Variants in GRK4 observed in about 807,000 individuals in gnomAD.
The protein encoded by GRK4 is G protein-coupled receptor kinase 4, also known as G protein-coupled receptor kinase 2-like.
A neutral mutation model predicts 77.9 loss-of-function variants in GRK4; 73 were observed. The observed-to-expected ratio is 0.94, with a 90% CI of 0.78 to 1.14. The LOEUF (loss-of-function observed/expected upper bound fraction) is 1.14, where lower values mean the gene tolerates loss of function less well. GRK4 is among the 50% of genes most tolerant of loss of function. The pLI is 0.00. For missense variants in GRK4, 729 were observed against 700.2 expected, an observed-to-expected ratio of 1.04 and a Z score of -0.46; for synonymous variants, 257 against 254.4, an observed-to-expected ratio of 1.01 and a Z score of -0.10.
intron 12 of GRK4, among the ~76,000 whole-genome samples, chr4:3,034,363 C>G (rs1740007296): frequency 6.6e-6 from 1 of 152,288 alleles, no homozygotes; most frequent in East Asian, 1.9e-4. Flanking sequence ...AGATGGTAAA[C>G]AGCGTCTAGA....
Position 3,002,247 on chromosome 4 carries a change from C to T in GRK4, c.340-1984C>T, listed in dbSNP as rs116852407. Among the ~76,000 whole-genome samples the T allele has an allele frequency of 7.2e-3, 1,101 of 152,086 alleles. 18 individuals are homozygous for T. The highest frequency in any genetic ancestry group is 0.048 in the East Asian group (248 of 5,184). On this transcript the variant is annotated intron_variant, in intron 4 of 15. Coordinates refer to ENST00000398052, the MANE Select transcript of GRK4 (RefSeq NM_182982.3). Reference sequence around the variant, plus strand: ...ACTGGGGGCAGATAAACTCATACACCGGGAGACCGTGCAGTCACTCAAGAA... The same window carrying T: ...ACTGGGGGCAGATAAACTCATACACTGGGAGACCGTGCAGTCACTCAAGAA...
At chr4:2,972,325 T>C (rs1719804534) in intron 1 of GRK4, among the ~76,000 whole-genome samples, 1 of 152,172 alleles carries the variant, frequency 6.6e-6, no homozygotes, top group Non-Finnish European at 1.5e-5. Flanking sequence ...TGCCTGGTTC[T>C]TCACCTTCTG....
chr4:3,032,340 C>T (rs1042478892), intron 12 of GRK4, among the ~76,000 whole-genome samples: 1 of 151,300 alleles, frequency 6.6e-6, no homozygotes, highest in African/African-American at 2.4e-5. Flanking sequence ...TAGCCAGGTG[C>T]GGTGGTGGGC....
At chr4:2,996,249 G>C (rs1266553219) in intron 4 of GRK4, among the ~76,000 whole-genome samples, 1 of 152,082 alleles carries the variant, frequency 6.6e-6, no homozygotes, top group Admixed American at 6.6e-5. Flanking sequence ...CTTCATGAAG[G>C]TGGAACCTCT....
chr4:3,029,468 C>T, intron 12 of GRK4, 59 bp downstream of exon 12: 1 of 1,454,074 alleles, frequency 6.9e-7, no homozygotes, highest in African/African-American at 1.4e-5. Flanking sequence ...TAGTTGTTTT[C>T]ACTGGCAGCT....
chr4:3,015,412 G>A (rs1007055302), intron 8 of GRK4, among the ~76,000 whole-genome samples: 4 of 152,074 alleles, frequency 2.6e-5, no homozygotes, highest in Non-Finnish European at 4.4e-5. Flanking sequence ...GGGGCCGGGC[G>A]CGGTGGCTCA....
At chr4:3,008,951 A>G (rs918292470) in intron 6 of GRK4, among the ~76,000 whole-genome samples, 23 of 152,186 alleles carry the variant, frequency 1.5e-4, no homozygotes, top group African/African-American at 5.6e-4. Flanking sequence ...AAAGGATGGC[A>G]CAACGTATAT....
chr4:2,985,391 ACT>A (rs1196333857), intron 2 of GRK4, among the ~76,000 whole-genome samples: 1 of 136,878 alleles, frequency 7.3e-6, no homozygotes, highest in Non-Finnish European at 1.6e-5. Flanking sequence ...ACAGAGCAAG[ACT>A]CTGTCTCAAA....
rs1201753067 is a variant in GRK4, at chr4:3,019,703, T to C, written c.804T>C (p.Asn268=). ...TGTGCTTGGTGCTCACCATTATGAA[T>C]GGAGGGGATTTGAAGTTTCACATTT... is the stretch of plus-strand genomic sequence containing the variant. The part of the protein sequence containing the change: ...DALCLVLTIM[N]GGDLKFHIYN... Residue 268 remains asparagine, a synonymous_variant, in exon 9 of 16, where the codon AAT becomes AAC. Transcript: ENST00000398052. The C allele has an allele frequency of 3.1e-6, 5 of 1,614,092 alleles. No individual in the cohort carries two copies. Among genetic ancestry groups the C allele is most frequent in the East Asian group, 4.5e-5 (2 of 44,894 alleles).
rs532576141 is a variant in GRK4 at position 3,012,869 on chromosome 4, G to A, written c.601-819G>A. Among the ~76,000 whole-genome samples, 87 of 152,146 alleles carry A rather than the reference G, an allele frequency of 5.7e-4. 1 individual carries two copies. Among genetic ancestry groups the A allele is most frequent in the Non-Finnish European group, 1.0e-3 (68 of 68,020 alleles). ...TCAAGAATCTTTTTAGGCCAGGCGCGGTGGCTCACACCTGTTAATCCTAGC... is the reference window on the plus strand; with the variant it reads ...TCAAGAATCTTTTTAGGCCAGGCGCAGTGGCTCACACCTGTTAATCCTAGC... On this transcript the variant is annotated intron_variant, in intron 7 of 15. Transcript: ENST00000398052.
At chr4:2,978,959 G>T (rs1003097387) in intron 1 of GRK4, among the ~76,000 whole-genome samples, 1 of 152,126 alleles carries the variant, frequency 6.6e-6, no homozygotes, top group Non-Finnish European at 1.5e-5. Context: ...GCTGGGCACG[G>T]TGACTCACGC....
intron 4 of GRK4, among the ~76,000 whole-genome samples, chr4:2,995,608 G>GA (rs1256672639): frequency 6.6e-6 from 1 of 151,914 alleles, no homozygotes; most frequent in Non-Finnish European, 1.5e-5. Context: ...CTGAACCTGG[G>GA]AGGCGGAGGT....
chr4:3,015,840 A>G (rs1197165348), intron 8 of GRK4, among the ~76,000 whole-genome samples: 1 of 151,248 alleles, frequency 6.6e-6, no homozygotes, highest in Admixed American at 6.6e-5. Context: ...TTGGGAGGCC[A>G]AGGTGGGAGG....
chr4:2,965,351 C>T (rs771949649), intron 1 of GRK4: 42 of 702,836 alleles, frequency 6.0e-5, no homozygotes, highest in Non-Finnish European at 6.5e-5. Flanking sequence ...CCCTTGCCTG[C>T]GTCTCAAGAG....
rs150164810 is a variant in GRK4, at chr4:3,024,811, T to C, written c.970+2360T>C. Among the ~76,000 whole-genome samples the C allele has an allele frequency of 1.0e-2, 1,517 of 152,084 alleles. 25 individuals carry two copies. Among genetic ancestry groups the C allele is most frequent in the African/African-American group, 0.035 (1,459 of 41,498 alleles). On this transcript the variant is annotated intron_variant, in intron 10 of 15. Transcript: ENST00000398052. ...CGGCAGAGGTTGCAGTGAGCCGAGA[T>C]TGCACCACTACACTCCAGCCTGGGC... is the stretch of plus-strand genomic sequence containing the variant.
At chr4:2,989,344 T>C (rs538359273) in intron 3 of GRK4, among the ~76,000 whole-genome samples, 1 of 152,358 alleles carries the variant, frequency 6.6e-6, no homozygotes, top group African/African-American at 2.4e-5. Context: ...CATGTAGTCA[T>C]TGAATGACTT....
chr4:2,984,413 C>T lies in GRK4; in HGVS notation c.53-100C>T, dbSNP rs565506945. The T allele has an allele frequency of 2.4e-5, 15 of 624,824 alleles. No homozygotes were observed. The South Asian group carries it at 3.1e-4, about 13-fold the overall frequency. The allele number at this position is 624,824 out of a possible 1,614,324, so 38.7% of individuals were successfully genotyped here. A position where few individuals can be genotyped will look rare whatever the true frequency, so the allele number is the denominator to read the frequency against. The stretch of plus-strand genomic sequence containing the variant: ...TTTTTATTCATGATAGGTACCCAAA[C>T]CACTCAAACAGAAATGTTAAGATAT... On this transcript the variant is annotated intron_variant, in intron 1 of 15. Transcript: ENST00000398052.
At chr4:3,036,685 C>T (rs2110089771) in intron 13 of GRK4, among the ~76,000 whole-genome samples, 1 of 152,360 alleles carries the variant, frequency 6.6e-6, no homozygotes, top group Non-Finnish European at 1.5e-5. Flanking sequence ...ATAGGAGCTG[C>T]AGACCTGGGT....
chr4:3,010,516 C>T (rs1233276085), intron 7 of GRK4, among the ~76,000 whole-genome samples: 1 of 152,130 alleles, frequency 6.6e-6, no homozygotes, highest in East Asian at 1.9e-4. Flanking sequence ...CGTGAGCCAC[C>T]GTGCCTGGCC....
Sources: allele counts gnomAD v4.1 joint callset (sites outside exome capture counted in the v4.1 genomes callset), GRCh38; gene constraint gnomAD v4.1.1; transcripts MANE v1.5; gene names NCBI Gene and HGNC (gene_info 2026-07-23, HGNC 2026-07-21).